Variants in RBFOX1 observed in about 807,000 individuals in gnomAD.
RBFOX1 encodes the protein RNA binding protein fox-1 homolog 1.
RBFOX1 carries 8 observed loss-of-function variants against 57.7 expected under a neutral mutation model. That is an observed-to-expected ratio of 0.14 (90% CI 0.08 to 0.25). The LOEUF is 0.25. Ranked by LOEUF, RBFOX1 falls within the 10% of genes least tolerant of loss-of-function variation. The probability of loss-of-function intolerance (pLI) is 1.00; values close to 1 mark genes in which losing one functional copy is unlikely to be tolerated. For missense variants in RBFOX1, 611 were observed against 548.5 expected, an observed-to-expected ratio of 1.11 and a Z score of -1.14; for synonymous variants, 326 against 222.4, an observed-to-expected ratio of 1.47 and a Z score of -4.15.
At chr16:6,392,794 C>G (rs2092663916) in intron 2 of RBFOX1, among the ~76,000 whole-genome samples, 1 of 152,138 alleles carries the variant, frequency 6.6e-6, no homozygotes, top group Non-Finnish European at 1.5e-5. Flanking sequence ...CTCAAATTGA[C>G]AAGAAAATTG....
At chr16:7,095,387 C>G (rs149023838) in intron 4 of RBFOX1, among the ~76,000 whole-genome samples, 16 of 152,278 alleles carry the variant, frequency 1.1e-4, no homozygotes, top group African/African-American at 3.6e-4. Context: ...ATCGACCTGC[C>G]TCAGCCTCCC....
chr16:6,783,542 G>C (rs1024200430), intron 3 of RBFOX1, among the ~76,000 whole-genome samples: 1 of 151,514 alleles, frequency 6.6e-6, no homozygotes, highest in Non-Finnish European at 1.5e-5. Context: ...TAAATTCTAC[G>C]CTTTATCTCC....
At chr16:6,138,422 T>A (rs1285878809) in intron 1 of RBFOX1, among the ~76,000 whole-genome samples, 2 of 152,224 alleles carry the variant, frequency 1.3e-5, no homozygotes, top group Non-Finnish European at 2.9e-5. Flanking sequence ...ATATGGTGGC[T>A]TAACTGGTAT....
At chr16:7,531,883 C>T (rs1454701188) in intron 5 of RBFOX1, among the ~76,000 whole-genome samples, 1 of 152,154 alleles carries the variant, frequency 6.6e-6, no homozygotes, top group Non-Finnish European at 1.5e-5. Flanking sequence ...AACCCACACA[C>T]ATCCTTCCCA....
At chr16:6,841,892 A>G (rs1041007101) in intron 3 of RBFOX1, among the ~76,000 whole-genome samples, 5 of 151,642 alleles carry the variant, frequency 3.3e-5, no homozygotes, top group Admixed American at 1.3e-4. Context: ...TAATCCTAGC[A>G]CTTTGGGAGG....
At chr16:6,816,196 A>G (rs1490161168) in intron 3 of RBFOX1, among the ~76,000 whole-genome samples, 1 of 152,124 alleles carries the variant, frequency 6.6e-6, no homozygotes, top group Non-Finnish European at 1.5e-5. Flanking sequence ...TTGTAATCCC[A>G]GCTCCTTTGG....
chr16:5,504,720 C>T (rs1380726390), intron 2 of RBFOX1, among the ~76,000 whole-genome samples: 3 of 152,210 alleles, frequency 2.0e-5, no homozygotes, highest in Admixed American at 2.0e-4. Context: ...CATAATCCTC[C>T]CTGCAGCTCT....
intron 14 of RBFOX1, among the ~76,000 whole-genome samples, chr16:7,695,743 T>G (rs1423256423): frequency 6.6e-6 from 1 of 151,350 alleles, no homozygotes; most frequent in Non-Finnish European, 1.5e-5. Flanking sequence ...TATAAAAACA[T>G]TTATTAGAGC....
chr16:7,709,630 G>T, intron 15 of RBFOX1: 2 of 1,531,142 alleles, frequency 1.3e-6, no homozygotes, highest in Non-Finnish European at 1.7e-6. Context: ...AGTCGCCCAG[G>T]AAAGAAAATA....
At chr16:5,506,555 C>G (rs1267427284) in intron 2 of RBFOX1, among the ~76,000 whole-genome samples, 1 of 152,192 alleles carries the variant, frequency 6.6e-6, no homozygotes, top group African/African-American at 2.4e-5. Context: ...ACACACTGCT[C>G]TGGAGGTGCA....
Position 6,844,624 on chromosome 16 carries a change from G to C in RBFOX1, c.-16+189974G>C, listed in dbSNP as rs576030160. On this transcript the variant is annotated intron_variant, in intron 3 of 15. Coordinates refer to ENST00000550418, the MANE Select transcript of RBFOX1 (RefSeq NM_018723.4). Reference sequence around the variant, plus strand: ...AGGTTGAGTCCTTGTCTTTGCTATCGTGAATAGTGCTGCAATTAACTTACA... The same window carrying C: ...AGGTTGAGTCCTTGTCTTTGCTATCCTGAATAGTGCTGCAATTAACTTACA... 9.8e-4 allele frequency among the ~76,000 whole-genome samples: 149 copies of C among 151,978 alleles called. 2 individuals are homozygous for C. Among genetic ancestry groups the C allele is most frequent in the East Asian group, 7.7e-4 (4 of 5,172 alleles).
At chr16:7,704,390 G>C (rs138629250) in intron 14 of RBFOX1, among the ~76,000 whole-genome samples, 6 of 152,184 alleles carry the variant, frequency 3.9e-5, no homozygotes, top group Non-Finnish European at 8.8e-5. Flanking sequence ...GATGTAAAAA[G>C]TGTACACTAT....
At chr16:6,360,493 G>A (rs1224039919) in intron 2 of RBFOX1, among the ~76,000 whole-genome samples, 1 of 152,074 alleles carries the variant, frequency 6.6e-6, no homozygotes, top group Non-Finnish European at 1.5e-5. Context: ...TACACCTCAG[G>A]TTTTTATTAT....
At chr16:5,527,146 G>T (rs754425644) in intron 2 of RBFOX1, among the ~76,000 whole-genome samples, 3 of 152,182 alleles carry the variant, frequency 2.0e-5, no homozygotes, top group Non-Finnish European at 4.4e-5. Context: ...GAAAATGAAG[G>T]CTTGAGGCTT....
At chr16:5,314,893 T>C (rs898988501) in intron 1 of RBFOX1, among the ~76,000 whole-genome samples, 1 of 151,984 alleles carries the variant, frequency 6.6e-6, no homozygotes, top group African/African-American at 2.4e-5. Flanking sequence ...TATATGTCTT[T>C]ATAACAACAC....
intron 2 of RBFOX1, among the ~76,000 whole-genome samples, chr16:6,583,181 A>C (rs1286384041): frequency 6.6e-6 from 1 of 152,196 alleles, no homozygotes; most frequent in East Asian, 1.9e-4. Flanking sequence ...TTGCTTCAGC[A>C]AAAGGCCCAG....
chr16:7,201,733 G>A (rs1046416826), intron 4 of RBFOX1, among the ~76,000 whole-genome samples: 1 of 152,078 alleles, frequency 6.6e-6, no homozygotes, highest in Non-Finnish European at 1.5e-5. Context: ...AAAGTACTGG[G>A]ACTACAGGCA....
chr16:7,006,970 A>G (rs2093341704), intron 3 of RBFOX1, among the ~76,000 whole-genome samples: 1 of 152,168 alleles, frequency 6.6e-6, no homozygotes, highest in Non-Finnish European at 1.5e-5. Flanking sequence ...CCACTGCCAG[A>G]AGTACCACAC....
chr16:7,639,595 G>A (rs1457936102), intron 11 of RBFOX1, among the ~76,000 whole-genome samples: 1 of 152,102 alleles, frequency 6.6e-6, no homozygotes, highest in Non-Finnish European at 1.5e-5. Context: ...ACACATAACA[G>A]ACAAATATAT....
Sources: allele counts gnomAD v4.1 joint callset (sites outside exome capture counted in the v4.1 genomes callset), GRCh38; gene constraint gnomAD v4.1.1; transcripts MANE v1.5; gene names NCBI Gene and HGNC (gene_info 2026-07-23, HGNC 2026-07-21).